Variants in NMNAT1 observed in about 807,000 individuals in gnomAD.
The protein encoded by NMNAT1 is nicotinamide nucleotide adenylyltransferase 1.
Under a neutral mutation model 16.7 loss-of-function variants are expected in NMNAT1, and 11 were observed. That is an observed-to-expected ratio of 0.66 (90% CI 0.41 to 1.09). NMNAT1 has a LOEUF of 1.09. Among genes scored for constraint, NMNAT1 ranks in the 50% least tolerant of loss-of-function variants. NMNAT1 has a pLI of 0.00. For missense variants in NMNAT1, 280 were observed against 332.3 expected (o/e 0.84, Z 1.22); for synonymous variants, 110 against 119.8 (o/e 0.92, Z 0.53).
At chr1:9,993,994 T>C in the NMNAT1 span, among the ~76,000 whole-genome samples, 2 of 152,012 alleles carry the variant, frequency 1.3e-5, no homozygotes, top group African/African-American at 2.4e-5. Flanking sequence ...AGTTAACCTC[T>C]CTATGCCTCA....
At chr1:9,966,762 G>A (rs1214406157) in intron 1 of NMNAT1, among the ~76,000 whole-genome samples, 1 of 152,040 alleles carries the variant, frequency 6.6e-6, no homozygotes, top group African/African-American at 2.4e-5. Context: ...TCATCACTGG[G>A]CATTCCAGAG....
At chr1:9,944,648 TGTG>T (rs1424991963) in intron 1 of NMNAT1, among the ~76,000 whole-genome samples, 2 of 152,200 alleles carry the variant, frequency 1.3e-5, no homozygotes, top group Non-Finnish European at 2.9e-5. Flanking sequence ...CTCAAAGTGT[TGTG>T]GTGATTGGCA....
At chr1:9,949,095 C>G (rs1641046064) in intron 1 of NMNAT1, among the ~76,000 whole-genome samples, 1 of 151,132 alleles carries the variant, frequency 6.6e-6, no homozygotes. Flanking sequence ...CATAGTGAAA[C>G]CCCATCTCTA....
At position 9,982,678 on chromosome 1, in the gene NMNAT1, A is replaced by G. The variant is rs387907291; in HGVS notation, c.817A>G (p.Asn273Asp). Residue 273 changes from asparagine to aspartate, a missense_variant, in exon 5 of 5, where the codon AAC becomes GAC. Coordinates refer to ENST00000377205, the MANE Select transcript of NMNAT1 (RefSeq NM_022787.4). ...AGVILAPLQRNTAEAKT is the reference protein window; with the variant it reads ...AGVILAPLQRDTAEAKT ...GGTCATCCTGGCCCCTTTGCAGAGA[A>G]ACACTGCAGAAGCTAAGACATAGGA... The G allele has an allele frequency of 1.2e-6, 2 of 1,611,726 alleles. No homozygotes were observed. Among genetic ancestry groups the G allele is most frequent in the Non-Finnish European group, 1.7e-6 (2 of 1,178,868 alleles).
chr1:9,975,950 AG>A (rs1641798455), intron 3 of NMNAT1, among the ~76,000 whole-genome samples, 175 bp downstream of exon 3: 1 of 152,198 alleles, frequency 6.6e-6, no homozygotes, highest in Admixed American at 6.6e-5. Flanking sequence ...ACAGCACCAA[AG>A]GATGGGTCTT....
At chr1:9,975,554 T>C (rs1001004916) in intron 2 of NMNAT1, 38 bp from the exon 3 acceptor site, 13 of 1,455,642 alleles carry the variant, frequency 8.9e-6, no homozygotes, top group Admixed American at 8.3e-5. Context: ...TAAAGTCTAA[T>C]TTGTTATACC....
chr1:9,977,946 T>C (rs1283090745), intron 3 of NMNAT1, among the ~76,000 whole-genome samples: 2 of 152,140 alleles, frequency 1.3e-5, no homozygotes, highest in Non-Finnish European at 2.9e-5. Context: ...AACAAACCAA[T>C]TCCGCTTCTG....
At chr1:9,995,017 G>C in the NMNAT1 span, among the ~76,000 whole-genome samples, 2 of 152,056 alleles carry the variant, frequency 1.3e-5, no homozygotes, top group African/African-American at 4.8e-5. Flanking sequence ...CAAAGTGCTG[G>C]GATTACAGGT....
chr1:9,945,588 T>G (rs1640961033), intron 1 of NMNAT1, among the ~76,000 whole-genome samples: 1 of 152,110 alleles, frequency 6.6e-6, no homozygotes, highest in Admixed American at 6.6e-5. Context: ...TAGTTCCAGC[T>G]ACTCGGGAGG....
At chr1:9,975,558 T>G (rs1641787686) in intron 2 of NMNAT1, 34 bp from the exon 3 acceptor site, 37 of 1,490,914 alleles carry the variant, frequency 2.5e-5, no homozygotes, top group Non-Finnish European at 3.4e-5. Context: ...GTCTAATTTG[T>G]TATACCTAGT....
At position 9,975,609 on chromosome 1, in the gene NMNAT1, A is replaced by C. The variant is rs1641788648; in HGVS notation, c.133A>C (p.Lys45Gln). Residue 45 changes from lysine (K) to glutamine (Q), a missense_variant, in exon 3 of 5, where the codon AAA becomes CAA. By Grantham distance (53) the Lys-to-Gln change is moderately conservative. Transcript: ENST00000377205. ...TTATCTAGGAAGGTACACAGTTGTCAAAGGCATCATCTCTCCTGTTGGTGA... is the reference window on the plus strand; with the variant it reads ...TTATCTAGGAAGGTACACAGTTGTCCAAGGCATCATCTCTCCTGTTGGTGA... The part of the protein sequence containing the change: ...MNGTGRYTVV[K>Q]GIISPVGDAY... The C allele has an allele frequency of 1.2e-6, 2 of 1,612,160 alleles. No homozygotes were observed. Among genetic ancestry groups the C allele is most frequent in the African/African-American group, 1.3e-5 (1 of 74,990 alleles).
At chr1:9,948,671 CAG>C (rs1313115060) in intron 1 of NMNAT1, among the ~76,000 whole-genome samples, 2 of 149,036 alleles carry the variant, frequency 1.3e-5, no homozygotes, top group South Asian at 2.1e-4. Context: ...TTTTTTGAGA[CAG>C]AGTTTTACTC....
chr1:9,967,486 A>G (rs1641575549), intron 1 of NMNAT1: 1 of 152,400 alleles, frequency 6.6e-6, no homozygotes, highest in South Asian at 2.1e-4. Flanking sequence ...CAAAGCGAGA[A>G]ATAAATAGGG....
intron 2 of NMNAT1, among the ~76,000 whole-genome samples, chr1:9,974,693 T>C (rs1282569903): frequency 6.6e-6 from 1 of 151,942 alleles, no homozygotes; most frequent in Non-Finnish European, 1.5e-5. Flanking sequence ...TGGCCTAATT[T>C]TTTAATTTTT....
intron 2 of NMNAT1, 148 bp downstream of exon 2, chr1:9,972,336 C>T: frequency 3.5e-6 from 2 of 576,496 alleles, no homozygotes; most frequent in Admixed American, 3.0e-5. Flanking sequence ...TGGTAAAACC[C>T]TGTCTCTACT....
At chr1:9,944,180 G>A (rs756517848) in intron 1 of NMNAT1, among the ~76,000 whole-genome samples, 3 of 152,106 alleles carry the variant, frequency 2.0e-5, no homozygotes, top group Non-Finnish European at 4.4e-5. Context: ...CTTGAATCCT[G>A]GAGGCGGAGG....
chr1:9,992,636 G>T, the NMNAT1 span, among the ~76,000 whole-genome samples: 9 of 151,996 alleles, frequency 5.9e-5, no homozygotes, highest in Non-Finnish European at 8.8e-5. Flanking sequence ...CTATGGCCGG[G>T]CGTGGTGGCT....
intron 3 of NMNAT1, among the ~76,000 whole-genome samples, chr1:9,980,255 G>A (rs976813386): frequency 6.6e-6 from 1 of 150,964 alleles, no homozygotes. Context: ...ATTTTTTTTA[G>A]TCTTCCACAA....
chr1:9,985,855 G>T (rs1325905559), downstream of NMNAT1, among the ~76,000 whole-genome samples: 1 of 152,146 alleles, frequency 6.6e-6, no homozygotes, highest in African/African-American at 2.4e-5. Context: ...TAGAGACAGG[G>T]TTTCACCGTG....
Sources: allele counts gnomAD v4.1 joint callset (sites outside exome capture counted in the v4.1 genomes callset), GRCh38; gene constraint gnomAD v4.1.1; transcripts MANE v1.5; gene names NCBI Gene and HGNC (gene_info 2026-07-23, HGNC 2026-07-21).